Variants in RARB observed in about 807,000 individuals in gnomAD.
RARB encodes HBV-activated protein.
Under a neutral mutation model 51.9 loss-of-function variants are expected in RARB, and 17 were observed. The observed-to-expected ratio is 0.33, with a 90% CI of 0.22 to 0.49. RARB has a LOEUF of 0.49. RARB is among the 20% of genes least tolerant of loss of function. The pLI is 0.99. For missense variants in RARB, 369 were observed against 550.8 expected (o/e 0.67, Z 3.30); for synonymous variants, 215 against 195.4 (o/e 1.10, Z -0.84).
At chr3:25,398,509 G>A (rs908520895) in intron 5 of RARB, among the ~76,000 whole-genome samples, 1 of 152,108 alleles carries the variant, frequency 6.6e-6, no homozygotes, top group South Asian at 2.1e-4. Flanking sequence ...AATATTGCTG[G>A]CATATATCTT....
At chr3:25,119,695 G>T (rs538037483) in intron 3 of RARB, among the ~76,000 whole-genome samples, 4 of 151,566 alleles carry the variant, frequency 2.6e-5, no homozygotes, top group South Asian at 2.1e-4. Flanking sequence ...CACTGCTCTT[G>T]TGTCAATACT....
At chr3:25,033,255 C>T (rs1292933157) in intron 2 of RARB, among the ~76,000 whole-genome samples, 2 of 152,156 alleles carry the variant, frequency 1.3e-5, no homozygotes, top group Admixed American at 6.5e-5. Flanking sequence ...CAGAAACTTA[C>T]AAGCAAGTGG....
At chr3:25,257,284 T>A (rs1005298572) in intron 5 of RARB, among the ~76,000 whole-genome samples, 6 of 152,026 alleles carry the variant, frequency 3.9e-5, no homozygotes, top group African/African-American at 1.4e-4. Flanking sequence ...TTAAGGGGCA[T>A]GTTGGCCAAC....
At chr3:25,433,089 T>C (rs539764697) in intron 1 of RARB, among the ~76,000 whole-genome samples, 1 of 152,342 alleles carries the variant, frequency 6.6e-6, no homozygotes, top group Non-Finnish European at 1.5e-5. Context: ...AATGGGAGTT[T>C]TTGATGAAGG....
At chr3:25,364,907 G>T (rs984604883) in intron 5 of RARB, among the ~76,000 whole-genome samples, 1 of 152,102 alleles carries the variant, frequency 6.6e-6, no homozygotes, top group African/African-American at 2.4e-5. Flanking sequence ...CAATTAAAAT[G>T]CATCTTAGTT....
intron 3 of RARB, among the ~76,000 whole-genome samples, chr3:25,060,649 A>C (rs941926005): frequency 6.6e-6 from 1 of 151,814 alleles, no homozygotes; most frequent in Non-Finnish European, 1.5e-5. Context: ...TGGAATACAG[A>C]AGGAAAAAAA....
At chr3:25,375,519 C>T (rs1431641614) in intron 5 of RARB, among the ~76,000 whole-genome samples, 2 of 152,196 alleles carry the variant, frequency 1.3e-5, no homozygotes, top group Non-Finnish European at 2.9e-5. Flanking sequence ...GCTCCCATCA[C>T]TATTTGTTGG....
intron 5 of RARB, among the ~76,000 whole-genome samples, chr3:25,189,000 C>G (rs561420100): frequency 1.1e-4 from 16 of 152,254 alleles, no homozygotes; most frequent in Non-Finnish European, 2.1e-4. Context: ...AACTAAAAGT[C>G]TAACCCAAGA....
chr3:25,260,619 C>A (rs1334771065), intron 5 of RARB, among the ~76,000 whole-genome samples: 1 of 152,136 alleles, frequency 6.6e-6, no homozygotes, highest in Non-Finnish European at 1.5e-5. Flanking sequence ...AGCTCTTCAT[C>A]TTACCTGCCC....
chr3:24,831,836 T>C (rs1702286936), intron 1 of RARB, among the ~76,000 whole-genome samples: 1 of 152,196 alleles, frequency 6.6e-6, no homozygotes, highest in Non-Finnish European at 1.5e-5. Flanking sequence ...ACTTCTTTGC[T>C]AGCAAATCAT....
intron 5 of RARB, among the ~76,000 whole-genome samples, chr3:25,295,984 C>T (rs1433440529): frequency 6.6e-6 from 1 of 152,112 alleles, no homozygotes; most frequent in Non-Finnish European, 1.5e-5. Context: ...ATGTGTTTCT[C>T]AAAAGTGCAT....
chr3:25,555,191 G>A (rs563697280), intron 3 of RARB, among the ~76,000 whole-genome samples: 1 of 152,102 alleles, frequency 6.6e-6, no homozygotes, highest in Non-Finnish European at 1.5e-5. Flanking sequence ...TTTAATTTAT[G>A]GGAAAACTTT....
chr3:24,879,914 C>T (rs1032474141), intron 2 of RARB, among the ~76,000 whole-genome samples: 3 of 151,532 alleles, frequency 2.0e-5, no homozygotes, highest in Non-Finnish European at 4.4e-5. Flanking sequence ...GAGTTTTGTC[C>T]TGCGTGAATC....
At chr3:25,273,138 C>T (rs1235089331) in intron 5 of RARB, among the ~76,000 whole-genome samples, 1 of 152,204 alleles carries the variant, frequency 6.6e-6, no homozygotes, top group Non-Finnish European at 1.5e-5. Flanking sequence ...ATGACAAATT[C>T]TAAACACTGA....
intron 2 of RARB, among the ~76,000 whole-genome samples, chr3:25,495,616 T>A (rs1430859371): frequency 6.6e-6 from 1 of 152,134 alleles, no homozygotes; most frequent in Non-Finnish European, 1.5e-5. Flanking sequence ...TCTTTTTCCT[T>A]TTTGGTTGTA....
rs148680802 is a variant in RARB, at chr3:25,154,887, C to T, written c.-279-19232C>T. On this transcript the variant is annotated intron_variant, in intron 4 of 11. Transcript: ENST00000383772. ...CCAACCCTAAAGGCTTGTCTTTTCC[C>T]CAGTAGGCTGTGAGCTACTTGGGAG... 2.0e-4 allele frequency among the ~76,000 whole-genome samples: 31 copies of T among 152,294 alleles called. 1 individual carries two copies. The East Asian group carries it at 5.8e-3, about 28-fold the overall frequency.
chr3:25,114,282 C>T (rs1315492352), intron 3 of RARB, among the ~76,000 whole-genome samples: 4 of 152,168 alleles, frequency 2.6e-5, no homozygotes, highest in African/African-American at 9.7e-5. Flanking sequence ...TCTGAAGTTT[C>T]TTTTACTCAA....
At chr3:25,233,175 G>A (rs1021813379) in intron 5 of RARB, among the ~76,000 whole-genome samples, 7 of 151,734 alleles carry the variant, frequency 4.6e-5, no homozygotes, top group Admixed American at 2.0e-4. Flanking sequence ...TGGCCAGGCT[G>A]GTCTTGAGCT....
chr3:24,832,634 T>TATATATATATATATATATATATATAG (rs1702297548), intron 1 of RARB, among the ~76,000 whole-genome samples: 1 of 139,988 alleles, frequency 7.1e-6, no homozygotes, highest in Non-Finnish European at 1.5e-5. Context: ...TCCCAATATA[T>TATATATATATATATATATATATATAG]ATATATATAT....
Sources: allele counts gnomAD v4.1 joint callset (sites outside exome capture counted in the v4.1 genomes callset), GRCh38; gene constraint gnomAD v4.1.1; transcripts MANE v1.5; gene names NCBI Gene and HGNC (gene_info 2026-07-23, HGNC 2026-07-21).